Variants in DMD observed in about 807,000 individuals in gnomAD.
DMD encodes dystrophin, also known as mutant dystrophin.
A neutral mutation model predicts 330.1 loss-of-function variants in DMD; 63 were observed. The observed-to-expected ratio is 0.19, with a 90% CI of 0.16 to 0.24. DMD has a LOEUF of 0.24. Among genes scored for constraint, DMD ranks in the 10% least tolerant of loss-of-function variants. DMD has a pLI of 1.00. For synonymous variants in DMD, 1,223 were observed against 959.8 expected (o/e 1.27, Z -5.07); for missense variants, 3,344 against 2,684.1 (o/e 1.25, Z -5.43).
At position 32,201,476 on chromosome X, in the gene DMD, C is replaced by A. The variant is rs1039273020; in HGVS notation, c.6438+15440G>T. 8.4e-4 allele frequency among the ~76,000 whole-genome samples: 79 copies of A among 93,987 alleles called. 2 individuals are homozygous for A. The highest frequency in any genetic ancestry group is 4.4e-3 in the South Asian group (8 of 1,818). The allele number at this position is 93,987 out of a possible 115,157, so 81.6% of individuals were successfully genotyped here. ...TTATATGCAAATTCAAACACCCCCC[C>A]CCCCCCCAACAAGGAGGCCATATTT... On this transcript the variant is annotated intron_variant, in intron 44 of 78. Coordinates refer to ENST00000357033, the MANE Select transcript of DMD (RefSeq NM_004006.3).
intron 74 of DMD, among the ~76,000 whole-genome samples, chrX:31,160,134 T>C (rs932519655): frequency 2.7e-5 from 3 of 110,978 alleles, no homozygotes; most frequent in African/African-American, 9.8e-5. Context: ...AGTTCAATCA[T>C]TTCACAAGAA....
intron 2 of DMD, among the ~76,000 whole-genome samples, chrX:32,901,312 A>T (rs934755664): frequency 3.6e-5 from 4 of 111,677 alleles, no homozygotes; most frequent in Admixed American, 1.9e-4. Context: ...AATATAAAAG[A>T]TGAACAAGTG....
chrX:32,472,058 C>T, intron 22 of DMD, 106 bp downstream of exon 22: 1 of 1,011,070 alleles, frequency 9.9e-7, no homozygotes, highest in South Asian at 2.0e-5. Context: ...GGGCAAACTA[C>T]CATACTTGTC....
chrX:32,694,676 G>A (rs1603100663), intron 9 of DMD, among the ~76,000 whole-genome samples: 1 of 111,635 alleles, frequency 9.0e-6, no homozygotes, highest in African/African-American at 3.3e-5. Flanking sequence ...GTATTTTTGA[G>A]ACAGAGTTTC....
At chrX:31,175,162 T>C (rs2040388209) in intron 71 of DMD, among the ~76,000 whole-genome samples, 1 of 111,679 alleles carries the variant, frequency 9.0e-6, no homozygotes, top group African/African-American at 3.2e-5. Flanking sequence ...AAGAACTATC[T>C]TTTGGAACAG....
chrX:31,242,262 CAAAAAAAA>C (rs72176984), intron 63 of DMD, among the ~76,000 whole-genome samples: 1 of 24,643 alleles, frequency 4.1e-5, no homozygotes, highest in Non-Finnish European at 7.7e-5. Context: ...TCTCAAAAAG[CAAAAAAAA>C]AAAAAAAAAA....
intron 44 of DMD, among the ~76,000 whole-genome samples, chrX:32,076,081 AAAAAAAGAGAG>A (rs1376789966): frequency 3.2e-5 from 3 of 92,916 alleles, no homozygotes; most frequent in African/African-American, 1.2e-4. Context: ...AAAAAAAAAA[AAAAAAAGAGAG>A]AGAGAGAGAG....
intron 63 of DMD, among the ~76,000 whole-genome samples, chrX:31,241,828 G>A (rs1331904503): frequency 2.7e-5 from 3 of 111,246 alleles, no homozygotes; most frequent in Non-Finnish European, 5.7e-5. Context: ...CACAGAAGAC[G>A]GACTTCATTA....
chrX:32,460,261 A>G (rs993061791), intron 25 of DMD, among the ~76,000 whole-genome samples: 7 of 110,949 alleles, frequency 6.3e-5, no homozygotes, highest in African/African-American at 2.3e-4. Context: ...GAACTACACT[A>G]CACTGTTAGT....
At chrX:32,999,858 G>T (rs138817282) in intron 2 of DMD, among the ~76,000 whole-genome samples, 1 of 112,235 alleles carries the variant, frequency 8.9e-6, no homozygotes, top group East Asian at 2.8e-4. Flanking sequence ...TTCTGTTTCT[G>T]GTCTGTGCAT....
intron 52 of DMD, among the ~76,000 whole-genome samples, chrX:31,682,902 A>T (rs1386880253): frequency 8.9e-6 from 1 of 112,232 alleles, no homozygotes; most frequent in Non-Finnish European, 1.9e-5. Context: ...ATATTAGGAA[A>T]AGATAAAGCA....
intron 12 of DMD, among the ~76,000 whole-genome samples, chrX:32,610,608 G>A (rs569682021): frequency 3.6e-5 from 4 of 111,111 alleles, no homozygotes; most frequent in South Asian, 3.8e-4. Context: ...GAGAGCAGGC[G>A]ACCTCTGATC....
intron 45 of DMD, among the ~76,000 whole-genome samples, chrX:31,959,730 A>T (rs2095281995): frequency 9.2e-6 from 1 of 108,432 alleles, no homozygotes; most frequent in African/African-American, 3.4e-5. Context: ...CCCAATCTTA[A>T]ACAGTTGTCT....
chrX:32,851,044 G>C (rs899656930), intron 2 of DMD, among the ~76,000 whole-genome samples: 4 of 111,951 alleles, frequency 3.6e-5, no homozygotes, highest in Admixed American at 1.9e-4. Context: ...AAAAACGTCA[G>C]GTGATGGGTC....
At chrX:31,819,462 G>C (rs2092706088) in intron 50 of DMD, among the ~76,000 whole-genome samples, 1 of 106,598 alleles carries the variant, frequency 9.4e-6, no homozygotes, top group Non-Finnish European at 2.0e-5. Flanking sequence ...CACATCCCTG[G>C]ATGCTAGGAA....
At chrX:32,873,054 TAGTCCTGATTTTACCC>T (rs765037123) in intron 2 of DMD, among the ~76,000 whole-genome samples, 1 of 111,737 alleles carries the variant, frequency 8.9e-6, no homozygotes, top group African/African-American at 3.2e-5. Flanking sequence ...TATCAATTGT[TAGTCCTGATTTTACCC>T]AGCCTCCGAT....
Position 32,287,679 on chromosome X carries a change from T to C in DMD, c.6140A>G (p.Gln2047Arg), listed in dbSNP as rs773782786. The C allele has an allele frequency of 2.3e-4, 271 of 1,201,895 alleles. No individual in the cohort carries two copies. In the South Asian group the frequency reaches 4.7e-3, roughly 21 times the overall value. ...SLKNIKDSLQ[Q>R]SSGRIDIIHS... The stretch of plus-strand genomic sequence containing the variant: ...AATAATGTCAATCCGACCTGAGCTT[T>C]GTTGTAGACTATCTTTTATATTCTG... The change falls in exon 43 of 79, where the codon CAA becomes CGA. Residue 2047 changes from glutamine to arginine, a missense_variant. Coordinates refer to ENST00000357033, the MANE Select transcript of DMD (RefSeq NM_004006.3).
intron 44 of DMD, chrX:32,206,540 C>G (rs1036630032): frequency 1.7e-6 from 1 of 597,041 alleles, no homozygotes; most frequent in East Asian, 3.4e-5. Context: ...AAGAATCCTT[C>G]AAAACAAGGA....
At chrX:31,798,036 G>A (rs895434146) in intron 50 of DMD, among the ~76,000 whole-genome samples, 4 of 111,806 alleles carry the variant, frequency 3.6e-5, no homozygotes, top group African/African-American at 1.3e-4. Flanking sequence ...TTTTATAGGT[G>A]GAAATAGTGA....
Sources: allele counts gnomAD v4.1 joint callset (sites outside exome capture counted in the v4.1 genomes callset), GRCh38; gene constraint gnomAD v4.1.1; transcripts MANE v1.5; gene names NCBI Gene and HGNC (gene_info 2026-07-23, HGNC 2026-07-21).